Variants in TF observed in about 807,000 individuals in gnomAD.
TF encodes serotransferrin.
In TF, 55 loss-of-function variants were observed where a neutral mutation model predicts 82.4. The observed-to-expected ratio is 0.67, with a 90% confidence interval of 0.54 to 0.84. TF has a LOEUF of 0.84. Ranked by LOEUF, TF falls within the 40% of genes least tolerant of loss-of-function variation. TF has a pLI of 0.00. For missense variants in TF, 737 were observed against 868.4 expected (o/e 0.85, Z 1.90); for synonymous variants, 332 against 332.6 (o/e 1.00, Z 0.02).
chr3:133,684,124 G>A, the TF span, among the ~76,000 whole-genome samples: 2 of 152,106 alleles, frequency 1.3e-5, no homozygotes, highest in Non-Finnish European at 2.9e-5. Context: ...ATGAAATGAA[G>A]GCAGAAATAA....
At chr3:133,700,678 C>T in the TF span, among the ~76,000 whole-genome samples, 1 of 152,190 alleles carries the variant, frequency 6.6e-6, no homozygotes, top group African/African-American at 2.4e-5. Flanking sequence ...GCAATTTCCC[C>T]GAGGCCACAC....
the TF span, among the ~76,000 whole-genome samples, chr3:133,710,976 T>C: frequency 6.6e-6 from 1 of 152,200 alleles, no homozygotes; most frequent in African/African-American, 2.4e-5. Context: ...TCCATACTGC[T>C]CAGTTGGAAC....
the TF span, chr3:133,699,397 G>C: frequency 1.0e-6 from 1 of 991,482 alleles, no homozygotes; most frequent in African/African-American, 1.7e-5. Context: ...TCCTAACTAT[G>C]GCTCATGGCT....
chr3:133,699,610 T>C, the TF span: 1 of 544,830 alleles, frequency 1.8e-6, no homozygotes, highest in Non-Finnish European at 3.6e-6. Flanking sequence ...TAGAAGCTTC[T>C]CAACCAGGTC....
At chr3:133,742,968 G>A (rs1206894560), upstream of TF, among the ~76,000 whole-genome samples, 1 of 152,152 alleles carries the variant, frequency 6.6e-6, no homozygotes, top group Non-Finnish European at 1.5e-5. Flanking sequence ...TCTAGAACTG[G>A]AAGCTTCCTT....
chr3:133,703,444 T>C, the TF span, among the ~76,000 whole-genome samples: 4 of 152,186 alleles, frequency 2.6e-5, no homozygotes, highest in Admixed American at 6.5e-5. Flanking sequence ...CCGCTGTTGA[T>C]TGGACAAATT....
At chr3:133,668,962 C>A in the TF span, among the ~76,000 whole-genome samples, 103 of 152,236 alleles carry the variant, frequency 6.8e-4, no homozygotes, top group Non-Finnish European at 3.4e-4. Flanking sequence ...TTAACACATT[C>A]TTTGGATGCC....
In TF at chr3:133,768,084, T is replaced by C; in HGVS notation, c.1542T>C (p.Cys514=). The change falls in exon 13 of 17, where the codon TGT becomes TGC. Residue 514 remains cysteine (C), a synonymous_variant. Transcript: ENST00000402696. ...GGTCTAAGAAAGACTCCAGTCTCTGTAAGCTGTGTATGGGCTCAGGCCTAA... is the reference window on the plus strand; with the variant it reads ...GGTCTAAGAAAGACTCCAGTCTCTGCAAGCTGTGTATGGGCTCAGGCCTAA... ...APGSKKDSSL[C]KLCMGSGLNL... 6.2e-7 allele frequency: 1 copy of C among 1,614,228 alleles called. No homozygotes were observed. The highest frequency in any genetic ancestry group is 8.5e-7 in the Non-Finnish European group (1 of 1,180,034).
At chr3:133,689,321 G>A in the TF span, among the ~76,000 whole-genome samples, 61 of 151,846 alleles carry the variant, frequency 4.0e-4, no homozygotes, top group East Asian at 6.4e-3. Flanking sequence ...GAGACTCTGC[G>A]TCAAAATAAA....
chr3:133,706,869 G>A, the TF span, among the ~76,000 whole-genome samples: 1 of 152,130 alleles, frequency 6.6e-6, no homozygotes, highest in Admixed American at 6.6e-5. Flanking sequence ...CTTCCTGTGT[G>A]GCAGGACCCC....
Position 133,778,933 on chromosome 3 carries a change from A to G in TF, c.*313A>G, listed in dbSNP as rs1200058264. 5.6e-6 allele frequency: 2 copies of G among 357,404 alleles called. No homozygotes were observed. Among genetic ancestry groups the G allele is most frequent in the Non-Finnish European group, 1.1e-5 (2 of 186,218 alleles). The allele number at this position is 357,404 out of a possible 1,614,324, so 22.1% of individuals were successfully genotyped here. A position where few individuals can be genotyped will look rare whatever the true frequency, so the allele number is the denominator to read the frequency against. Reference sequence around the variant, plus strand: ...ACAGCTTTGTGTGTGCCATGGCCACATCTCCTGGGTACAGTTCAAGGAGAC... The same window carrying G: ...ACAGCTTTGTGTGTGCCATGGCCACGTCTCCTGGGTACAGTTCAAGGAGAC... On this transcript the variant is annotated 3_prime_UTR_variant, in exon 17 of 17. Coordinates refer to ENST00000402696, the MANE Select transcript of TF (RefSeq NM_001063.4).
the TF span, among the ~76,000 whole-genome samples, chr3:133,678,368 A>G: frequency 6.6e-6 from 1 of 152,352 alleles, no homozygotes; most frequent in East Asian, 1.9e-4. Flanking sequence ...TCCTTTGGGT[A>G]TATACCCAGT....
the TF span, among the ~76,000 whole-genome samples, chr3:133,678,095 G>A: frequency 2.0e-5 from 3 of 152,132 alleles, no homozygotes; most frequent in African/African-American, 7.2e-5. Flanking sequence ...CCATTTATGA[G>A]TGAGAACATG....
Position 133,779,019 on chromosome 3 carries a change from TGTGCAC to T in TF, c.*404_*409del, listed in dbSNP as rs1475498649. On this transcript the variant is annotated 3_prime_UTR_variant, in exon 17 of 17. Transcript: ENST00000402696. ...ATAATCAAATGTATACTGGTGTGTGTGTGCACGTGCGCGTGCGTGTGTCATGCTAAG... is the reference window on the plus strand; with the variant it reads ...ATAATCAAATGTATACTGGTGTGTGTGTGCGCGTGCGTGTGTCATGCTAAG... 4.1e-6 allele frequency: 1 copy of T among 244,098 alleles called. No homozygotes were observed. Among genetic ancestry groups the T allele is most frequent in the Non-Finnish European group, 8.0e-6 (1 of 124,384 alleles). 15.1% of individuals were successfully genotyped at this position (244,098 alleles called of 1,614,324 possible).
At chr3:133,705,490 T>A in the TF span, among the ~76,000 whole-genome samples, 1 of 152,190 alleles carries the variant, frequency 6.6e-6, no homozygotes, top group South Asian at 2.1e-4. Flanking sequence ...TTCCCTTCAA[T>A]GAGCACCTCC....
chr3:133,751,885 T>G (rs894139032), intron 2 of TF, among the ~76,000 whole-genome samples: 6 of 151,814 alleles, frequency 4.0e-5, no homozygotes, highest in African/African-American at 1.5e-4. Flanking sequence ...TCCCAGCTAC[T>G]TGGGAGGCAG....
In TF at chr3:133,771,117, G is replaced by GA. The variant is rs41296592; in HGVS notation, c.1687+550dup. ...TACTAAAAGGAACCAGAACTCCTTG[G>GA]AAAAATAGCTGACTTCAGGGCTGGG... On this transcript the variant is annotated intron_variant, in intron 14 of 16. Transcript: ENST00000402696. 3.6e-3 allele frequency among the ~76,000 whole-genome samples: 543 copies of GA among 152,094 alleles called. 3 individuals carry two copies. The highest frequency in any genetic ancestry group is 0.012 in the African/African-American group (515 of 41,544).
the TF span, among the ~76,000 whole-genome samples, chr3:133,713,580 A>G: frequency 6.6e-6 from 1 of 152,344 alleles, no homozygotes; most frequent in Non-Finnish European, 1.5e-5. Context: ...TAAGCATGTT[A>G]CATCTCCACC....
the TF span, among the ~76,000 whole-genome samples, chr3:133,667,649 A>T: frequency 1.3e-5 from 2 of 152,180 alleles, no homozygotes; most frequent in South Asian, 2.1e-4. Context: ...GTAGAAGAAC[A>T]GCTCTGCCAT....
Sources: gnomAD v4.1 joint callset for allele counts (sites outside exome capture counted in the v4.1 genomes callset) on GRCh38, gnomAD v4.1.1 for gene constraint, MANE v1.5 for transcripts, NCBI Gene and HGNC (gene_info 2026-07-23, HGNC 2026-07-21) for gene names.